The following CALN1 variants were observed in gnomAD, a reference collection of about 807,000 sequenced individuals.
CALN1 encodes the protein calcium-binding protein 8.
Under a neutral mutation model 30.6 loss-of-function variants are expected in CALN1, and 17 were observed. That is an observed-to-expected ratio of 0.56 (90% CI 0.38 to 0.83). The LOEUF is 0.83. Ranked by LOEUF, CALN1 falls within the 40% of genes least tolerant of loss-of-function variation. The probability of loss-of-function intolerance (pLI) is 0.00; values close to 1 mark genes in which losing one functional copy is unlikely to be tolerated. For synonymous variants in CALN1, 156 were observed against 131.4 expected (o/e 1.19, Z -1.28); for missense variants, 291 against 354.9 (o/e 0.82, Z 1.45).
chr7:72,125,956 C>T (rs1019945700), intron 3 of CALN1, among the ~76,000 whole-genome samples: 3 of 152,064 alleles, frequency 2.0e-5, no homozygotes, highest in African/African-American at 4.8e-5. Context: ...CGTGCCACCA[C>T]GCCCAGCTAA....
In CALN1 at chr7:71,816,825, C is replaced by A. The variant is rs183604826; in HGVS notation, c.502-6333G>T. Among the ~76,000 whole-genome samples, 556 of 152,036 alleles carry A rather than the reference C, an allele frequency of 3.7e-3. 3 individuals are homozygous for A. Among genetic ancestry groups the A allele is most frequent in the African/African-American group, 0.012 (517 of 41,468 alleles). ...TCTACTAAAAATACAAAAATTAGCCCGGCGTGGTGACGCATTCCTGTAATC... is the reference window on the plus strand; with the variant it reads ...TCTACTAAAAATACAAAAATTAGCCAGGCGTGGTGACGCATTCCTGTAATC... On this transcript the variant is annotated intron_variant, in intron 5 of 6. Coordinates refer to ENST00000395275, the MANE Select transcript of CALN1 (RefSeq NM_031468.4).
chr7:71,811,354 T>A (rs1787946884), intron 5 of CALN1, among the ~76,000 whole-genome samples: 1 of 152,086 alleles, frequency 6.6e-6, no homozygotes, highest in Admixed American at 6.6e-5. Context: ...ATTACAGACA[T>A]GAGCCACTGC....
intron 2 of CALN1, among the ~76,000 whole-genome samples, chr7:72,310,606 T>C (rs1045458776): frequency 6.6e-6 from 1 of 151,650 alleles, no homozygotes; most frequent in Non-Finnish European, 1.5e-5. Context: ...GACATCTACA[T>C]CAAAACGTAA....
chr7:72,317,084 G>GAGAGAAAGAA (rs1554367049), intron 2 of CALN1, among the ~76,000 whole-genome samples: 1 of 109,722 alleles, frequency 9.1e-6, no homozygotes, highest in East Asian at 3.1e-4. Flanking sequence ...CACAGAAAGA[G>GAGAGAAAGAA]AGAGAGAGAG....
intron 5 of CALN1, among the ~76,000 whole-genome samples, chr7:71,960,840 CAG>C (rs546517423): frequency 5.6e-4 from 85 of 152,186 alleles, no homozygotes; most frequent in African/African-American, 2.0e-3. Flanking sequence ...TTTTTTGAGA[CAG>C]AGTCTTACTC....
chr7:72,356,898 T>C (rs1213091715), intron 2 of CALN1, among the ~76,000 whole-genome samples: 10 of 152,024 alleles, frequency 6.6e-5, no homozygotes, highest in Non-Finnish European at 1.5e-4. Flanking sequence ...GAGCAATATA[T>C]TAGTGCTTGT....
chr7:72,487,864 GAAAGAAAGAAAGAAAGAAAGAAAAGA>G, the CALN1 span, among the ~76,000 whole-genome samples: 5,962 of 74,504 alleles, frequency 0.08, 335 homozygotes, highest in African/African-American at 0.14. Context: ...GAGAAAGAAA[GAAAGAAAGAAAGAAAGAAAGAAAAGA>G]AAAGAAAGAA....
At chr7:72,413,904 G>A (rs543938005), upstream of CALN1, among the ~76,000 whole-genome samples, 5 of 151,446 alleles carry the variant, frequency 3.3e-5, no homozygotes, top group African/African-American at 9.7e-5. Context: ...ACATACACAC[G>A]TACACACCGC....
intron 5 of CALN1, among the ~76,000 whole-genome samples, chr7:71,836,835 C>T (rs1012588618): frequency 2.0e-5 from 3 of 151,592 alleles, no homozygotes; most frequent in African/African-American, 7.3e-5. Flanking sequence ...CCAGGTCGGT[C>T]TCAAACTCCC....
At chr7:71,790,141 A>G (rs1793240111) in intron 6 of CALN1, among the ~76,000 whole-genome samples, 1 of 129,652 alleles carries the variant, frequency 7.7e-6, no homozygotes, top group African/African-American at 3.2e-5. Flanking sequence ...AGAAAGAAGA[A>G]AGAAAGAAGA....
chr7:72,047,187 G>C (rs1469677649), intron 4 of CALN1, among the ~76,000 whole-genome samples: 1 of 152,194 alleles, frequency 6.6e-6, no homozygotes, highest in Non-Finnish European at 1.5e-5. Flanking sequence ...TTCACTATCA[G>C]AGACAGAAGA....
intron 2 of CALN1, among the ~76,000 whole-genome samples, chr7:72,336,172 C>A (rs775473775): frequency 9.9e-5 from 15 of 152,180 alleles, no homozygotes; most frequent in African/African-American, 3.1e-4. Context: ...GCAGTCAGCG[C>A]TAGGGGCCGG....
chr7:72,410,200 G>A (rs941741672), intron 1 of CALN1, among the ~76,000 whole-genome samples: 2 of 152,126 alleles, frequency 1.3e-5, no homozygotes, highest in African/African-American at 2.4e-5. Flanking sequence ...TGAGAGCCTG[G>A]AGCTCTTAAA....
intron 5 of CALN1, among the ~76,000 whole-genome samples, chr7:71,981,824 T>G (rs1798411693): frequency 6.6e-6 from 1 of 151,992 alleles, no homozygotes; most frequent in South Asian, 2.1e-4. Context: ...GTCTGCTGCT[T>G]GGTGTGGGAG....
At chr7:72,204,031 G>A (rs1177169210) in intron 3 of CALN1, among the ~76,000 whole-genome samples, 12 of 114,120 alleles carry the variant, frequency 1.1e-4, no homozygotes, top group African/African-American at 3.2e-4. Flanking sequence ...TCACTCTGTC[G>A]CCCAGGCTGG....
chr7:72,300,835 A>T (rs182223578), intron 2 of CALN1, among the ~76,000 whole-genome samples: 186 of 152,270 alleles, frequency 1.2e-3, no homozygotes, highest in African/African-American at 4.4e-3. Context: ...TCTACCAAAA[A>T]TACAAAAATT....
At chr7:71,869,559 TCTAATA>T (rs1230233364) in intron 5 of CALN1, among the ~76,000 whole-genome samples, 2 of 152,196 alleles carry the variant, frequency 1.3e-5, no homozygotes, top group African/African-American at 2.4e-5. Flanking sequence ...AGCCTTGGTT[TCTAATA>T]CTGTTATATT....
chr7:72,216,071 A>T (rs1338108158), intron 3 of CALN1, among the ~76,000 whole-genome samples: 7 of 152,084 alleles, frequency 4.6e-5, no homozygotes, highest in Non-Finnish European at 1.0e-4. Flanking sequence ...TGCACACTTG[A>T]TCTCAACATC....
At chr7:71,994,914 G>A (rs145711693) in intron 5 of CALN1, among the ~76,000 whole-genome samples, 5,200 of 148,894 alleles carry the variant, frequency 0.035, 295 homozygotes, top group African/African-American at 0.12. Flanking sequence ...GTGCAGTGGC[G>A]CGATCTCAGC....
Sources: gnomAD v4.1 joint callset for allele counts (sites outside exome capture counted in the v4.1 genomes callset) on GRCh38, gnomAD v4.1.1 for gene constraint, MANE v1.5 for transcripts, NCBI Gene and HGNC (gene_info 2026-07-23, HGNC 2026-07-21) for gene names.